SLC9C2: variants seen among roughly 807,000 people sequenced by gnomAD.
SLC9C2 encodes the protein sodium/hydrogen exchanger 11.
Under a neutral mutation model 140.2 loss-of-function variants are expected in SLC9C2, and 75 were observed. That is an observed-to-expected ratio of 0.53 (90% confidence interval 0.44 to 0.65). The LOEUF is 0.65. Among genes scored for constraint, SLC9C2 ranks in the 30% least tolerant of loss-of-function variants. The pLI, the probability that SLC9C2 is intolerant of heterozygous loss-of-function variation, is 0.00. For missense variants in SLC9C2, 1,074 were observed against 1,331.8 expected (o/e 0.81, Z 3.01); for synonymous variants, 375 against 420.9 (o/e 0.89, Z 1.34).
chr1:173,540,849 T>A (rs1367981188), intron 13 of SLC9C2, among the ~76,000 whole-genome samples: 1 of 152,130 alleles, frequency 6.6e-6, no homozygotes, highest in Non-Finnish European at 1.5e-5. Flanking sequence ...TAAACATGTT[T>A]CTCGTCTATG....
At chr1:173,545,549 T>C (rs113788989) in intron 13 of SLC9C2, among the ~76,000 whole-genome samples, 2 of 152,160 alleles carry the variant, frequency 1.3e-5, no homozygotes, top group Non-Finnish European at 2.9e-5. Context: ...GGGGGGCAGA[T>C]AACTTTTCTT....
intron 3 of SLC9C2, 76 bp from the exon 4 acceptor site, chr1:173,598,108 T>C: frequency 7.0e-7 from 1 of 1,434,918 alleles, no homozygotes; most frequent in African/African-American, 1.4e-5. Flanking sequence ...ATGCTGTCAA[T>C]CAATATAAAT....
chr1:173,573,282 C>T lies in SLC9C2; in HGVS notation c.946G>A (p.Ala316Thr), dbSNP rs746246661. 7 of 1,572,374 alleles carry T rather than the reference C, an allele frequency of 4.5e-6. No homozygotes were observed. In the Admixed American group the frequency reaches 5.1e-5, roughly 11 times the overall value. ...CATCCAATCACAATGCCAAAGAAAG[C>T]ATATATTAAATGTTCATATACAGAT... The part of the protein sequence containing the change: ...FSSVYEHLIY[A>T]FFGIVIGCGE... The change falls in exon 9 of 28, where the codon GCT becomes ACT. Residue 316 changes from alanine to threonine, a missense_variant. Coordinates refer to ENST00000367714, the MANE Select transcript of SLC9C2 (RefSeq NM_178527.4).
At chr1:173,550,461 G>A (rs1663195272) in intron 11 of SLC9C2, among the ~76,000 whole-genome samples, 1 of 131,144 alleles carries the variant, frequency 7.6e-6, no homozygotes, top group Non-Finnish European at 1.5e-5. Flanking sequence ...TATTTTTGAG[G>A]AGGAGTTTCA....
At chr1:173,527,593 G>A (rs1661300002) in intron 18 of SLC9C2, among the ~76,000 whole-genome samples, 1 of 152,136 alleles carries the variant, frequency 6.6e-6, no homozygotes, top group Non-Finnish European at 1.5e-5. Context: ...TGCCCACTAT[G>A]TCCCAGGCAC....
intron 13 of SLC9C2, among the ~76,000 whole-genome samples, chr1:173,539,027 C>T (rs1473046819): frequency 2.6e-5 from 4 of 152,124 alleles, no homozygotes; most frequent in African/African-American, 9.7e-5. Context: ...CAATGTATAT[C>T]AGCATATTAA....
At chr1:173,529,169 T>C (rs1025158221) in intron 18 of SLC9C2, among the ~76,000 whole-genome samples, 4 of 152,172 alleles carry the variant, frequency 2.6e-5, no homozygotes, top group African/African-American at 7.2e-5. Context: ...GGAAAATCAA[T>C]TGAAAGATTC....
intron 15 of SLC9C2, among the ~76,000 whole-genome samples, chr1:173,535,204 T>G (rs1424395739): frequency 1.3e-5 from 2 of 152,170 alleles, no homozygotes; most frequent in Non-Finnish European, 2.9e-5. Flanking sequence ...TACTAGAATT[T>G]GTTATAAAAG....
At chr1:173,534,420 C>CA in intron 16 of SLC9C2, 64 bp downstream of exon 16, 1 of 1,452,886 alleles carries the variant, frequency 6.9e-7, no homozygotes, top group Non-Finnish European at 9.2e-7. Context: ...AATAATATGA[C>CA]AAAATAGATT....
At chr1:173,550,359 G>A (rs994838155) in intron 11 of SLC9C2, among the ~76,000 whole-genome samples, 2 of 152,022 alleles carry the variant, frequency 1.3e-5, no homozygotes, top group African/African-American at 2.4e-5. Context: ...AGCCATAATC[G>A]TGCCACTGCA....
chr1:173,600,044 A>G, intron 3 of SLC9C2, 73 bp downstream of exon 3: 2 of 920,964 alleles, frequency 2.2e-6, no homozygotes. Flanking sequence ...CCATGCATTC[A>G]GGGATGAGAT....
intron 5 of SLC9C2, 28 bp downstream of exon 5, chr1:173,587,637 A>G: frequency 6.3e-7 from 1 of 1,581,716 alleles, no homozygotes; most frequent in East Asian, 2.2e-5. Context: ...TATTTTCAAG[A>G]TAAGAGAGAG....
chr1:173,584,074 A>G (rs1198664974), intron 5 of SLC9C2, among the ~76,000 whole-genome samples: 1 of 152,222 alleles, frequency 6.6e-6, no homozygotes, highest in Non-Finnish European at 1.5e-5. Context: ...AGTATTATTC[A>G]TAGGAGCTAA....
chr1:173,524,847 G>C lies in SLC9C2; in HGVS notation c.2446C>G (p.Leu816Val). 1 of 1,614,030 alleles carries C rather than the reference G, an allele frequency of 6.2e-7. No homozygotes were observed. Among genetic ancestry groups the C allele is most frequent in the Non-Finnish European group, 8.5e-7 (1 of 1,179,942 alleles). ...GAACAAAGGAAGGTGAGATTTTTTAGAGCTTTAGCAATCACATTCCGGATT... is the reference window on the plus strand; with the variant it reads ...GAACAAAGGAAGGTGAGATTTTTTACAGCTTTAGCAATCACATTCCGGATT... ...QAIRNVIAKALKNLTFLCSRG... is the reference protein window; with the variant it reads ...QAIRNVIAKAVKNLTFLCSRG... The change falls in exon 20 of 28, where the codon CTA becomes GTA. Residue 816 changes from leucine (L) to valine (V), a missense_variant. By Grantham distance (32) the Leu-to-Val change is conservative. Coordinates refer to ENST00000367714, the MANE Select transcript of SLC9C2 (RefSeq NM_178527.4).
Position 173,502,732 on chromosome 1 carries a change from C to G in SLC9C2, c.3371+534G>C, listed in dbSNP as rs543532232. On this transcript the variant is annotated intron_variant, in intron 27 of 27. Transcript: ENST00000367714. ...TCTTGTTTTATCTTAAAAATTCATG[C>G]AAATTTGTCATCCTACTCGATAATA... 4.6e-5 allele frequency among the ~76,000 whole-genome samples: 7 copies of G among 152,306 alleles called. No individual in the cohort carries two copies. The East Asian group carries it at 9.6e-4, about 21-fold the overall frequency.
At chr1:173,514,593 C>T (rs753068585) in intron 23 of SLC9C2, among the ~76,000 whole-genome samples, 1 of 152,094 alleles carries the variant, frequency 6.6e-6, no homozygotes, top group Non-Finnish European at 1.5e-5. Context: ...GACTCTTTAT[C>T]CAATTTGCCA....
intron 18 of SLC9C2, 100 bp downstream of exon 18, chr1:173,529,805 G>A (rs1661446671): frequency 2.3e-6 from 3 of 1,330,170 alleles, no homozygotes; most frequent in African/African-American, 3.0e-5. Context: ...TCAACTGTTG[G>A]AATTTGTCTG....
chr1:173,551,912 C>T (rs968465498), intron 11 of SLC9C2, among the ~76,000 whole-genome samples: 4 of 151,938 alleles, frequency 2.6e-5, no homozygotes, highest in East Asian at 1.9e-4. Context: ...GGTTGAAAGC[C>T]GAGATAAGCC....
intron 7 of SLC9C2, 28 bp downstream of exon 7, chr1:173,581,819 G>C (rs1440083644): frequency 2.7e-6 from 4 of 1,486,450 alleles, no homozygotes; most frequent in Non-Finnish European, 3.6e-6. Flanking sequence ...TTTAAGGACA[G>C]TAATTTTTGT....
Sources: allele counts gnomAD v4.1 joint callset (sites outside exome capture counted in the v4.1 genomes callset), GRCh38; gene constraint gnomAD v4.1.1; transcripts MANE v1.5; gene names NCBI Gene and HGNC (gene_info 2026-07-23, HGNC 2026-07-21).